RASGRP3: variants seen among roughly 807,000 people sequenced by gnomAD.
RASGRP3 encodes the protein ras guanyl-releasing protein 3.
In RASGRP3, 54 loss-of-function variants were observed where a neutral mutation model predicts 82.7. That is an observed-to-expected ratio of 0.65 (90% confidence interval 0.52 to 0.82). The LOEUF is 0.82. RASGRP3 is among the 40% of genes least tolerant of loss of function. The pLI is 0.00. For missense variants in RASGRP3, 861 were observed against 828.9 expected, an observed-to-expected ratio of 1.04 and a Z score of -0.48; for synonymous variants, 309 against 300.5, an observed-to-expected ratio of 1.03 and a Z score of -0.29.
At chr2:33,524,655 T>A in intron 9 of RASGRP3, 107 bp downstream of exon 9, 1 of 817,136 alleles carries the variant, frequency 1.2e-6, no homozygotes, top group Non-Finnish European at 1.9e-6. Context: ...GTTTTCCTCT[T>A]AAACCAGTGG....
intron 2 of RASGRP3, among the ~76,000 whole-genome samples, chr2:33,450,656 A>G (rs72802086): frequency 0.075 from 11,417 of 152,062 alleles, 667 homozygotes; most frequent in South Asian, 0.22. Flanking sequence ...CATCTTGGCT[A>G]TTATAAATAA....
At chr2:33,525,874 G>A (rs1481467536) in intron 9 of RASGRP3, among the ~76,000 whole-genome samples, 1 of 152,078 alleles carries the variant, frequency 6.6e-6, no homozygotes, top group East Asian at 1.9e-4. Flanking sequence ...TGGAAGTCCA[G>A]AGACAGAGCA....
intron 11 of RASGRP3, among the ~76,000 whole-genome samples, chr2:33,537,118 G>T (rs1017840264): frequency 6.6e-6 from 1 of 151,930 alleles, no homozygotes; most frequent in Non-Finnish European, 1.5e-5. Context: ...CTCTTAGCAG[G>T]ATGGGGAGCT....
chr2:33,531,426 T>G (rs1175923842), intron 10 of RASGRP3, among the ~76,000 whole-genome samples: 1 of 152,180 alleles, frequency 6.6e-6, no homozygotes, highest in Non-Finnish European at 1.5e-5. Context: ...GAATCGTGAC[T>G]GGGAAAGAAG....
At chr2:33,446,017 C>G (rs779169747) in intron 1 of RASGRP3, among the ~76,000 whole-genome samples, 1 of 152,024 alleles carries the variant, frequency 6.6e-6, no homozygotes, top group African/African-American at 2.4e-5. Context: ...GTAGAGAGAC[C>G]TTTTTTAGGC....
intron 1 of RASGRP3, among the ~76,000 whole-genome samples, chr2:33,507,595 G>T (rs13426535): frequency 0.042 from 6,422 of 152,208 alleles, 473 homozygotes; most frequent in African/African-American, 0.14. Context: ...GCAGGATCTC[G>T]ACTCCCTGCA....
At chr2:33,483,765 A>G (rs1296996529) in intron 1 of RASGRP3, among the ~76,000 whole-genome samples, 3 of 152,166 alleles carry the variant, frequency 2.0e-5, no homozygotes, top group African/African-American at 7.2e-5. Context: ...CTGGGATTAC[A>G]GGTGTGAGCC....
chr2:33,455,201 T>C (rs951743477), intron 2 of RASGRP3, among the ~76,000 whole-genome samples: 5 of 152,184 alleles, frequency 3.3e-5, no homozygotes, highest in African/African-American at 7.2e-5. Flanking sequence ...CTTTACCATA[T>C]ATTATGGTTT....
At chr2:33,437,817 C>A (rs1038386771) in intron 1 of RASGRP3, among the ~76,000 whole-genome samples, 6 of 151,462 alleles carry the variant, frequency 4.0e-5, no homozygotes, top group African/African-American at 1.2e-4. Context: ...CTTAGCTGAA[C>A]TTAAGTGGTT....
intron 13 of RASGRP3, among the ~76,000 whole-genome samples, chr2:33,546,842 C>A (rs1002172002): frequency 6.6e-6 from 1 of 151,884 alleles, no homozygotes; most frequent in East Asian, 1.9e-4. Flanking sequence ...CTGAGGCAGG[C>A]GGAACACCTG....
At chr2:33,505,967 G>A (rs1574368158) in intron 1 of RASGRP3, among the ~76,000 whole-genome samples, 2 of 152,304 alleles carry the variant, frequency 1.3e-5, no homozygotes, top group African/African-American at 4.8e-5. Context: ...TTCAACTTAT[G>A]TCAGGTAGCT....
chr2:33,503,619 C>T (rs778694054), intron 1 of RASGRP3, among the ~76,000 whole-genome samples: 3 of 151,752 alleles, frequency 2.0e-5, no homozygotes, highest in African/African-American at 2.4e-5. Flanking sequence ...TGTACTTTAC[C>T]GTTAATTGAT....
chr2:33,443,517 A>C (rs1665338091), intron 1 of RASGRP3, among the ~76,000 whole-genome samples: 1 of 152,130 alleles, frequency 6.6e-6, no homozygotes, highest in South Asian at 2.1e-4. Context: ...CCTGATATGG[A>C]GTAAAATTCG....
At chr2:33,486,887 T>C (rs1228495112) in intron 1 of RASGRP3, among the ~76,000 whole-genome samples, 2 of 152,180 alleles carry the variant, frequency 1.3e-5, no homozygotes, top group African/African-American at 4.8e-5. Flanking sequence ...TGGTTCTGGG[T>C]GGTTAACAGT....
intron 10 of RASGRP3, chr2:33,533,770 C>T (rs890229276): frequency 6.5e-6 from 1 of 153,702 alleles, no homozygotes; most frequent in Non-Finnish European, 1.4e-5. Context: ...CTACTTCACA[C>T]TCAGCATGTG....
intron 1 of RASGRP3, chr2:33,482,406 A>G (rs780950708): frequency 1.3e-5 from 2 of 152,224 alleles, no homozygotes; most frequent in Admixed American, 1.3e-4. Context: ...CAACTATGGC[A>G]TGATGTAACG....
chr2:33,492,806 G>C (rs1289519420), intron 1 of RASGRP3, among the ~76,000 whole-genome samples: 2 of 152,288 alleles, frequency 1.3e-5, no homozygotes, highest in African/African-American at 4.8e-5. Flanking sequence ...AAGCTGCCCT[G>C]GCCCGTAATG....
At chr2:33,541,790 T>A (rs1222414684) in intron 12 of RASGRP3, among the ~76,000 whole-genome samples, 1 of 147,578 alleles carries the variant, frequency 6.8e-6, no homozygotes, top group Non-Finnish European at 1.5e-5. Flanking sequence ...TGGTTCAATT[T>A]TTTTGCATTT....
At chr2:33,478,141 C>A (rs572655094) in intron 1 of RASGRP3, among the ~76,000 whole-genome samples, 1 of 152,110 alleles carries the variant, frequency 6.6e-6, no homozygotes, top group Non-Finnish European at 1.5e-5. Context: ...TCTTGAGTAC[C>A]GCACCAACCA....
Sources: gnomAD v4.1 joint callset for allele counts (sites outside exome capture counted in the v4.1 genomes callset) on GRCh38, gnomAD v4.1.1 for gene constraint, MANE v1.5 for transcripts, NCBI Gene and HGNC (gene_info 2026-07-23, HGNC 2026-07-21) for gene names.